Variants in NDRG3 observed in about 807,000 individuals in gnomAD.
NDRG3 encodes protein NDRG3.
A neutral mutation model predicts 57.2 loss-of-function variants in NDRG3; 23 were observed. That is an observed-to-expected ratio of 0.40 (90% confidence interval 0.29 to 0.57). The LOEUF is 0.57. NDRG3 is among the 20% of genes least tolerant of loss of function. NDRG3 has a pLI of 0.42. For synonymous variants in NDRG3, 132 were observed against 162.6 expected (o/e 0.81, Z 1.43); for missense variants, 384 against 457.3 (o/e 0.84, Z 1.46).
intron 6 of NDRG3, among the ~76,000 whole-genome samples, chr20:36,683,788 G>C (rs1177271671): frequency 1.3e-5 from 2 of 151,798 alleles, no homozygotes; most frequent in African/African-American, 4.8e-5. Context: ...CAGCAAGTCA[G>C]TGGAGTCTAT....
intron 13 of NDRG3, among the ~76,000 whole-genome samples, chr20:36,658,341 A>G (rs1039635423): frequency 3.9e-5 from 6 of 152,162 alleles, no homozygotes; most frequent in Non-Finnish European, 7.3e-5. Flanking sequence ...CATGTTGGGC[A>G]GGCTGGTCTT....
rs1978375463 is a variant in NDRG3, at chr20:36,653,411, C to T, written c.*109G>A. Reference sequence around the variant, plus strand: ...AGGCTACTAGAGAGAGGTTCAGTGGCCATGCATGAGTTAAAGATAGTAGAG... The same window carrying T: ...AGGCTACTAGAGAGAGGTTCAGTGGTCATGCATGAGTTAAAGATAGTAGAG... On this transcript the variant is annotated 3_prime_UTR_variant, in exon 16 of 16. Transcript: ENST00000349004. This position sits in a 1 kb window ranked among gnomAD's most constrained non-coding sequence, Gnocchi z 4.2. 2 of 934,026 alleles carry T rather than the reference C, an allele frequency of 2.1e-6. No individual in the cohort carries two copies. Among genetic ancestry groups the T allele is most frequent in the South Asian group, 1.7e-5 (1 of 57,520 alleles). 57.9% of individuals were successfully genotyped at this position (934,026 alleles called of 1,614,324 possible). A position where few individuals can be genotyped will look rare whatever the true frequency, so the allele number is the denominator to read the frequency against.
intron 2 of NDRG3, among the ~76,000 whole-genome samples, chr20:36,712,576 TA>T (rs1568660336): frequency 1.4e-4 from 3 of 21,080 alleles, no homozygotes; most frequent in Non-Finnish European, 2.4e-4. Context: ...TATATATATA[TA>T]TATATATATA....
rs545445768 is a variant in NDRG3 at position 36,708,818 on chromosome 20, C to A, written c.58-1811G>T. Among the ~76,000 whole-genome samples the A allele has an allele frequency of 3.4e-3, 516 of 152,196 alleles. 2 individuals are homozygous for A. The highest frequency in any genetic ancestry group is 0.012 in the African/African-American group (492 of 41,548). On this transcript the variant is annotated intron_variant, in intron 2 of 15. Transcript: ENST00000349004. Reference sequence around the variant, plus strand: ...CTTTGGGAGGCCAAGGCGGGCGGATCACCTGAGGTTGGGAGTATGAGACCA... The same window carrying A: ...CTTTGGGAGGCCAAGGCGGGCGGATAACCTGAGGTTGGGAGTATGAGACCA...
chr20:36,683,621 CAAAT>C (rs199913203), intron 6 of NDRG3, among the ~76,000 whole-genome samples: 6 of 146,684 alleles, frequency 4.1e-5, no homozygotes, highest in East Asian at 2.0e-4. Context: ...CATCTCAAAA[CAAAT>C]AAATAAATAA....
Position 36,684,350 on chromosome 20 carries a change from C to T in NDRG3, c.383+63G>A, listed in dbSNP as rs189129132. The T allele has an allele frequency of 2.7e-4, 367 of 1,343,450 alleles. 1 individual carries two copies. Among genetic ancestry groups the T allele is most frequent in the Non-Finnish European group, 9.3e-5 (87 of 934,984 alleles). The allele number at this position is 1,343,450 out of a possible 1,614,324, so 83.2% of individuals were successfully genotyped here. On this transcript the variant is annotated intron_variant, in intron 6 of 15. Coordinates refer to ENST00000349004, the MANE Select transcript of NDRG3 (RefSeq NM_032013.4). Reference sequence around the variant, plus strand: ...TAACCATCATATCCTCTGAAACAGACACTAAATAATTCACCATAGAAAGTC... The same window carrying T: ...TAACCATCATATCCTCTGAAACAGATACTAAATAATTCACCATAGAAAGTC...
At chr20:36,701,329 G>A (rs777479778) in intron 3 of NDRG3, among the ~76,000 whole-genome samples, 1 of 151,970 alleles carries the variant, frequency 6.6e-6, no homozygotes, top group Non-Finnish European at 1.5e-5. Flanking sequence ...TTGAGGCCAG[G>A]AGTTCAAGAC....
intron 2 of NDRG3, among the ~76,000 whole-genome samples, chr20:36,709,069 A>G (rs1258139927): frequency 6.6e-6 from 1 of 152,160 alleles, no homozygotes; most frequent in East Asian, 1.9e-4. Flanking sequence ...ATAACTAAAT[A>G]AATCACAGCC....
At chr20:36,709,582 A>G (rs1983749930) in intron 2 of NDRG3, among the ~76,000 whole-genome samples, 1 of 152,226 alleles carries the variant, frequency 6.6e-6, no homozygotes, top group African/African-American at 2.4e-5. Context: ...GAATGTTGCT[A>G]TTGATTAAAA....
At chr20:36,730,159 C>T (rs547199884) in intron 1 of NDRG3, among the ~76,000 whole-genome samples, 8 of 151,004 alleles carry the variant, frequency 5.3e-5, no homozygotes, top group South Asian at 4.2e-4. Context: ...AAGCAGGAGA[C>T]GCGCTTGAAC....
At chr20:36,678,580 C>G (rs1980963210) in intron 8 of NDRG3, among the ~76,000 whole-genome samples, 1 of 152,158 alleles carries the variant, frequency 6.6e-6, no homozygotes, top group Non-Finnish European at 1.5e-5. Context: ...ACTCGGGAGG[C>G]TGAGGCTGAG....
In NDRG3 at chr20:36,718,237, G is replaced by A. The variant is rs149618416; in HGVS notation, c.57+3442C>T. 3.3e-4 allele frequency among the ~76,000 whole-genome samples: 50 copies of A among 152,322 alleles called. 1 individual carries two copies. The highest frequency in any genetic ancestry group is 6.8e-3 in the Middle Eastern group (2 of 294). On this transcript the variant is annotated intron_variant, in intron 2 of 15. Coordinates refer to ENST00000349004, the MANE Select transcript of NDRG3 (RefSeq NM_032013.4). Reference sequence around the variant, plus strand: ...TGGGGAGGGGGAGAGGGAGGCTAACGGGGTGGAAGTCTTTGTTTGGAGGTG... The same window carrying A: ...TGGGGAGGGGGAGAGGGAGGCTAACAGGGTGGAAGTCTTTGTTTGGAGGTG...
chr20:36,670,895 T>C (rs971186084), intron 9 of NDRG3, among the ~76,000 whole-genome samples: 1 of 152,188 alleles, frequency 6.6e-6, no homozygotes, highest in African/African-American at 2.4e-5. Context: ...ATGAACACGA[T>C]AACTGCCACT....
intron 3 of NDRG3, among the ~76,000 whole-genome samples, chr20:36,700,196 CA>C (rs1349157289): frequency 6.7e-6 from 1 of 149,544 alleles, no homozygotes; most frequent in African/African-American, 2.5e-5. Flanking sequence ...GGATGATATT[CA>C]AAAGTAAAAT....
At chr20:36,695,824 T>C (rs995296995) in intron 3 of NDRG3, among the ~76,000 whole-genome samples, 2 of 152,196 alleles carry the variant, frequency 1.3e-5, no homozygotes, top group African/African-American at 4.8e-5. Flanking sequence ...TGATATTTTA[T>C]TGCCCTTGAA....
At chr20:36,737,119 A>G (rs1029971422) in intron 1 of NDRG3, among the ~76,000 whole-genome samples, 28 of 152,204 alleles carry the variant, frequency 1.8e-4, no homozygotes, top group Admixed American at 7.9e-4. Context: ...TATTAATTCT[A>G]TCCCTTCCAG....
At chr20:36,716,903 T>C (rs769103614) in intron 2 of NDRG3, among the ~76,000 whole-genome samples, 21 of 152,188 alleles carry the variant, frequency 1.4e-4, no homozygotes, top group Non-Finnish European at 2.4e-4. Context: ...GGTTCTAGCC[T>C]GGCTTCACCA....
chr20:36,717,579 C>A (rs994452547), intron 2 of NDRG3, among the ~76,000 whole-genome samples: 1 of 152,188 alleles, frequency 6.6e-6, no homozygotes, highest in African/African-American at 2.4e-5. Flanking sequence ...CTTTACTGGG[C>A]AAACCAGCCT....
chr20:36,740,629 A>AC (rs979597994), intron 1 of NDRG3, among the ~76,000 whole-genome samples: 2 of 152,336 alleles, frequency 1.3e-5, no homozygotes, highest in South Asian at 2.1e-4. Flanking sequence ...GGCGTGAGCC[A>AC]CCACACCTGG....
Sources: allele counts gnomAD v4.1 joint callset (sites outside exome capture counted in the v4.1 genomes callset), GRCh38; gene constraint gnomAD v4.1.1; non-coding constraint Gnocchi (gnomAD v3.1); transcripts MANE v1.5; gene names NCBI Gene and HGNC (gene_info 2026-07-23, HGNC 2026-07-21).